The following MFSD2A variants were observed in gnomAD, a reference collection of about 807,000 sequenced individuals.
MFSD2A encodes sodium-dependent lysophosphatidylcholine symporter 1.
A neutral mutation model predicts 64.7 loss-of-function variants in MFSD2A; 27 were observed. The observed-to-expected ratio is 0.42, with a 90% CI of 0.31 to 0.58. The LOEUF (loss-of-function observed/expected upper bound fraction) is 0.58, where lower values mean the gene tolerates loss of function less well. MFSD2A is among the 20% of genes least tolerant of loss of function. The probability of loss-of-function intolerance (pLI) is 0.18; values close to 1 mark genes in which losing one functional copy is unlikely to be tolerated. For missense variants in MFSD2A, 474 were observed against 679.5 expected (o/e 0.70, Z 3.36); for synonymous variants, 258 against 273.4 (o/e 0.94, Z 0.55).
Position 39,957,104 on chromosome 1 carries a change from G to A in MFSD2A, c.111G>A (p.Lys37=). The change falls in exon 2 of 14, where the codon AAG becomes AAA. Residue 37 remains lysine (K), a synonymous_variant. Coordinates refer to ENST00000372811, the MANE Select transcript of MFSD2A (RefSeq NM_032793.5). ...CTTCCCAGAAAGAACCGAAAAAGAA[G>A]AAACAACAGTTGTCTGTTTGCAACA... ...PAQVKKEPKK[K]KQQLSVCNKL... 1 of 1,614,058 alleles carries A rather than the reference G, an allele frequency of 6.2e-7. No homozygotes were observed.
At chr1:39,956,400 T>C (rs1174503939) in intron 1 of MFSD2A, among the ~76,000 whole-genome samples, 1 of 152,152 alleles carries the variant, frequency 6.6e-6, no homozygotes, top group Non-Finnish European at 1.5e-5. Context: ...GTGGATCCTG[T>C]CTCTGAGGCA....
At position 39,969,880 on chromosome 1, in the gene MFSD2A, G is replaced by A; in HGVS notation, c.*312G>A. On this transcript the variant is annotated 3_prime_UTR_variant, in exon 14 of 14. Coordinates refer to ENST00000372811, the MANE Select transcript of MFSD2A (RefSeq NM_032793.5). Reference sequence around the variant, plus strand: ...GAGCCTAATTAATAACTTAATGACTGTGTACATAGCAATGTGTGTGTATGT... The same window carrying A: ...GAGCCTAATTAATAACTTAATGACTATGTACATAGCAATGTGTGTGTATGT... 7.2e-6 allele frequency: 3 copies of A among 416,782 alleles called. No homozygotes were observed. Among genetic ancestry groups the A allele is most frequent in the Non-Finnish European group, 1.3e-5 (3 of 233,204 alleles). 25.8% of individuals were successfully genotyped at this position (416,782 alleles called of 1,614,324 possible).
In MFSD2A at chr1:39,969,812, G is replaced by A. The variant is rs1645243913; in HGVS notation, c.*244G>A. On this transcript the variant is annotated 3_prime_UTR_variant, in exon 14 of 14. Transcript: ENST00000372811. ...ACTGTGAATATGCCAAGGACTGATC[G>A]GGCCTAGCCCGGAACACTAATGTAG... The A allele has an allele frequency of 1.7e-5, 9 of 535,300 alleles. No individual in the cohort carries two copies. The highest frequency in any genetic ancestry group is 5.3e-5 in the South Asian group (2 of 38,056). The allele number at this position is 535,300 out of a possible 1,614,324, so 33.2% of individuals were successfully genotyped here. A position where few individuals can be genotyped will look rare whatever the true frequency, so the allele number is the denominator to read the frequency against.
intron 2 of MFSD2A, 39 bp downstream of exon 2, chr1:39,957,260 T>C (rs1298264938): frequency 6.6e-6 from 10 of 1,512,336 alleles, no homozygotes; most frequent in Non-Finnish European, 8.0e-6. Context: ...TTCAGCATCC[T>C]GAGGTGGGAA....
At position 39,968,595 on chromosome 1, in the gene MFSD2A, G is replaced by A. The variant is rs1645213625; in HGVS notation, c.1379G>A (p.Cys460Tyr). The A allele has an allele frequency of 6.2e-7, 1 of 1,614,082 alleles. No homozygotes were observed. The highest frequency in any genetic ancestry group is 8.5e-7 in the Non-Finnish European group (1 of 1,180,044). ...LDFAGYQTRG[C>Y]SQPERVKFTL... is the part of the protein sequence containing the mutation. ...TTTGCAGGGTACCAGACCCGTGGCT[G>A]CTCGCAGCCGGAACGTGTCAAGTTT... The change falls in exon 13 of 14, where the codon TGC (cysteine) becomes TAC (tyrosine). Residue 460 changes from cysteine to tyrosine, a missense_variant. Transcript: ENST00000372811. This position sits in a 1 kb window ranked among gnomAD's most constrained non-coding sequence, Gnocchi z 4.4.
In MFSD2A at chr1:39,958,578, G is replaced by T; in HGVS notation, c.229-123G>T. On this transcript the variant is annotated intron_variant, in intron 2 of 13. Transcript: ENST00000372811. This position sits in a 1 kb window ranked among gnomAD's most constrained non-coding sequence, Gnocchi z 4.7. ...AGTGAAGATGTGTAAGGTCCATGTG[G>T]GAGCAGCTCAGGGTCACAAGATCCT... 6.7e-7 allele frequency: 1 copy of T among 1,483,318 alleles called. No homozygotes were observed. The highest frequency in any genetic ancestry group is 9.4e-7 in the Non-Finnish European group (1 of 1,065,288). 91.9% of individuals were successfully genotyped at this position (1,483,318 alleles called of 1,614,324 possible).
chr1:39,966,994 G>A, intron 8 of MFSD2A, 62 bp downstream of exon 8: 1 of 1,612,168 alleles, frequency 6.2e-7, no homozygotes, highest in Non-Finnish European at 8.5e-7. Flanking sequence ...GGTGAGCAGA[G>A]GTCTCTGGGG....
rs1336526377 is a variant in MFSD2A at position 39,955,437 on chromosome 1, T to G, written c.93+52T>G. On this transcript the variant is annotated intron_variant, in intron 1 of 13. Coordinates refer to ENST00000372811, the MANE Select transcript of MFSD2A (RefSeq NM_032793.5). This position sits in a 1 kb window ranked among gnomAD's most constrained non-coding sequence, Gnocchi z 5.9. ...GGCGAGGGGAGGGAGGAGGCGGAAA[T>G]GGGGGATCAGGGGCGTCCCGGGGTC... 1.3e-6 allele frequency: 2 copies of G among 1,491,854 alleles called. No homozygotes were observed. Among genetic ancestry groups the G allele is most frequent in the Admixed American group, 2.3e-5 (1 of 43,388 alleles). 92.4% of individuals were successfully genotyped at this position (1,491,854 alleles called of 1,614,324 possible). A position where few individuals can be genotyped will look rare whatever the true frequency, so the allele number is the denominator to read the frequency against.
rs1645104372 is a variant in MFSD2A at position 39,964,132 on chromosome 1, A to C, written c.354-1079A>C. ...ATATTTATCTTTTTGTGTCTTGCTG[A>C]TTTTCCTTGGCTTAATGTCTACAAG... On this transcript the variant is annotated intron_variant, in intron 3 of 13. Coordinates refer to ENST00000372811, the MANE Select transcript of MFSD2A (RefSeq NM_032793.5). This position sits in a 1 kb window ranked among gnomAD's most constrained non-coding sequence, Gnocchi z 4.1. The C allele has an allele frequency of 6.6e-6, 1 of 152,398 alleles. No homozygotes were observed. Among genetic ancestry groups the C allele is most frequent in the Non-Finnish European group, 1.5e-5 (1 of 68,024 alleles). 9.4% of individuals were successfully genotyped at this position (152,398 alleles called of 1,614,324 possible).
rs1645167504 is a variant in MFSD2A at position 39,966,640 on chromosome 1, A to C, written c.754A>C (p.Ile252Leu). 6.2e-7 allele frequency: 1 copy of C among 1,613,924 alleles called. No individual in the cohort carries two copies. Among genetic ancestry groups the C allele is most frequent in the Non-Finnish European group, 8.5e-7 (1 of 1,179,956 alleles). Residue 252 changes from isoleucine to leucine, a missense_variant, in exon 7 of 14, where the codon ATC becomes CTC. Ile to Leu is a conservative substitution (Grantham distance 5). Transcript: ENST00000372811. ...YLLAAGVIVCIYIICAVILIL... is the reference protein window; with the variant it reads ...YLLAAGVIVCLYIICAVILIL... Reference sequence around the variant, plus strand: ...GCTGGCAGCGGGGGTCATTGTCTGTATCTATATAATCTGTGCTGTCATCCT... The same window carrying C: ...GCTGGCAGCGGGGGTCATTGTCTGTCTCTATATAATCTGTGCTGTCATCCT...
rs557327279 is a variant in MFSD2A at position 39,964,763 on chromosome 1, T to G, written c.354-448T>G. ...GTGAATGAGGTGTGTGTGAATGGGG[T>G]GTGTGTGTGTGTGAATGAGGTGTGT... On this transcript the variant is annotated intron_variant, in intron 3 of 13. Coordinates refer to ENST00000372811, the MANE Select transcript of MFSD2A (RefSeq NM_032793.5). The surrounding 1 kb of genome is among the most constrained non-coding windows in gnomAD (Gnocchi z 4.1). 8 of 88,364 alleles carry G rather than the reference T, an allele frequency of 9.1e-5. No homozygotes were observed. The highest frequency in any genetic ancestry group is 4.6e-4 in the South Asian group (1 of 2,196). The allele number at this position is 88,364 out of a possible 1,614,324, so 5.5% of individuals were successfully genotyped here. A position where few individuals can be genotyped will look rare whatever the true frequency, so the allele number is the denominator to read the frequency against.
Position 39,966,609 on chromosome 1 carries a change from A to T in MFSD2A, c.723A>T (p.Ala241=). 1 of 1,612,836 alleles carries T rather than the reference A, an allele frequency of 6.2e-7. No individual in the cohort carries two copies. Among genetic ancestry groups the T allele is most frequent in the Non-Finnish European group, 8.5e-7 (1 of 1,179,354 alleles). The change falls in exon 7 of 14, where the codon GCA becomes GCT. Residue 241 remains alanine (A), a synonymous_variant. Transcript: ENST00000372811. Reference sequence around the variant, plus strand: ...CCTTCACCTCCTTATAGCAAAAGGCATACCTGCTGGCAGCGGGGGTCATTG... The same window carrying T: ...CCTTCACCTCCTTATAGCAAAAGGCTTACCTGCTGGCAGCGGGGGTCATTG... The part of the protein sequence containing the change: ...GTTSHRETQK[A]YLLAAGVIVC...
At chr1:39,962,981 G>C (rs1223231107) in intron 3 of MFSD2A, 1 of 1,532,102 alleles carries the variant, frequency 6.5e-7, no homozygotes, top group Non-Finnish European at 8.9e-7. Context: ...AGTGCTCCAA[G>C]GAGGTGGCCA....
At position 39,965,678 on chromosome 1, in the gene MFSD2A, C is replaced by A; in HGVS notation, c.556+129C>A. On this transcript the variant is annotated intron_variant, in intron 5 of 13. Coordinates refer to ENST00000372811, the MANE Select transcript of MFSD2A (RefSeq NM_032793.5). This position sits in a 1 kb window ranked among gnomAD's most constrained non-coding sequence, Gnocchi z 5.5. ...AAACCATCTTAAAAATAACTCAATC[C>A]CCTTATTGCTCAGATGAGACCTGGA... is the stretch of plus-strand genomic sequence containing the variant. 8.1e-7 allele frequency: 1 copy of A among 1,236,652 alleles called. No homozygotes were observed. The highest frequency in any genetic ancestry group is 1.2e-6 in the Non-Finnish European group (1 of 860,692). 76.6% of individuals were successfully genotyped at this position (1,236,652 alleles called of 1,614,324 possible). A position where few individuals can be genotyped will look rare whatever the true frequency, so the allele number is the denominator to read the frequency against.
intron 3 of MFSD2A, chr1:39,962,570 G>T (rs775178842): frequency 3.2e-6 from 2 of 625,942 alleles, no homozygotes; most frequent in South Asian, 1.9e-5. Flanking sequence ...CTGGTGCAGC[G>T]GGGGGGCCTG....
In MFSD2A at chr1:39,968,454, G is replaced by A; in HGVS notation, c.1329G>A (p.Leu443=). 3 of 1,614,154 alleles carry A rather than the reference G, an allele frequency of 1.9e-6. No homozygotes were observed. Among genetic ancestry groups the A allele is most frequent in the African/African-American group, 2.7e-5 (2 of 75,028 alleles). ...CCAAGTTTGCCTCTGGAGTGTCACT[G>A]GGCATTTCTACCCTCAGTCTGGAGT... ...FFTKFASGVS[L]GISTLSLDFA... Residue 443 remains leucine (L), a synonymous_variant, in exon 12 of 14, where the codon CTG becomes CTA. Coordinates refer to ENST00000372811, the MANE Select transcript of MFSD2A (RefSeq NM_032793.5). This position sits in a 1 kb window ranked among gnomAD's most constrained non-coding sequence, Gnocchi z 4.4.
chr1:39,957,336 TAC>T, intron 2 of MFSD2A, 115 bp downstream of exon 2: 1 of 1,094,842 alleles, frequency 9.1e-7, no homozygotes, highest in Non-Finnish European at 1.3e-6. Flanking sequence ...CCCAAATCAC[TAC>T]TTTGCTGCCT....
chr1:39,956,102 G>A (rs1178422938), intron 1 of MFSD2A, among the ~76,000 whole-genome samples: 1 of 152,338 alleles, frequency 6.6e-6, no homozygotes, highest in Non-Finnish European at 1.5e-5. Flanking sequence ...TACTATGTAT[G>A]AGTAATATCT....
chr1:39,967,501 G>C (rs1053971312), intron 9 of MFSD2A, 127 bp from the exon 10 acceptor site: 1 of 855,222 alleles, frequency 1.2e-6, no homozygotes, highest in African/African-American at 1.7e-5. Context: ...CATCTTCGTT[G>C]CTGCCCACAT....
Sources: gnomAD v4.1 joint callset for allele counts (sites outside exome capture counted in the v4.1 genomes callset) on GRCh38, gnomAD v4.1.1 for gene constraint, Gnocchi (gnomAD v3.1) non-coding constraint, MANE v1.5 for transcripts, NCBI Gene and HGNC (gene_info 2026-07-23, HGNC 2026-07-21) for gene names.